HMGB1: variants seen among roughly 807,000 people sequenced by gnomAD.
The protein encoded by HMGB1 is high mobility group box 1.
For missense variants in HMGB1, 79 were observed against 253.5 expected (o/e 0.31, Z 4.67); for synonymous variants, 81 against 84.0 (o/e 0.96, Z 0.19).
At chr13:30,461,654 C>T (rs886690295) in intron 4 of HMGB1, 121 bp from the exon 5 acceptor site, 2 of 1,592,002 alleles carry the variant, frequency 1.3e-6, no homozygotes, top group African/African-American at 1.3e-5. Flanking sequence ...TATCACGTAT[C>T]TGTAGATCCA....
At chr13:30,569,170 G>A (rs537732604) in intron 1 of HMGB1, among the ~76,000 whole-genome samples, 2 of 152,216 alleles carry the variant, frequency 1.3e-5, no homozygotes, top group East Asian at 3.9e-4. Context: ...CTTCATCCTA[G>A]GACACAGCCA....
Position 30,463,280 on chromosome 13 carries a change from T to G in HMGB1, c.223A>C (p.Met75Leu). ...KADKARYERE[M>L]KTYIPPKGET... ...CCTTTGGGAGGGATATAGGTTTTCATTTCTCTTTCATAACGGGCCTTGTCC... is the reference window on the plus strand; with the variant it reads ...CCTTTGGGAGGGATATAGGTTTTCAGTTCTCTTTCATAACGGGCCTTGTCC... The change falls in exon 3 of 5, where the codon ATG becomes CTG. Residue 75 changes from methionine to leucine, a missense_variant. Met to Leu is a conservative substitution (Grantham distance 15). Transcript: ENST00000341423. 2 of 1,609,570 alleles carry G rather than the reference T, an allele frequency of 1.2e-6. No homozygotes were observed. The highest frequency in any genetic ancestry group is 1.7e-6 in the Non-Finnish European group (2 of 1,179,334).
chr13:30,525,849 G>A (rs1187115528), intron 1 of HMGB1, among the ~76,000 whole-genome samples: 1 of 90,078 alleles, frequency 1.1e-5, no homozygotes, highest in Non-Finnish European at 3.0e-5. Context: ...AATTCAAGAT[G>A]AGATTGTGGG....
In HMGB1 at chr13:30,535,750, C is replaced by T. The variant is rs773268785; in HGVS notation, c.-14-72056G>A. Among the ~76,000 whole-genome samples, 24 of 152,258 alleles carry T rather than the reference C, an allele frequency of 1.6e-4. 1 individual carries two copies. Among genetic ancestry groups the T allele is most frequent in the Middle Eastern group, 3.4e-3 (1 of 294 alleles). On this transcript the variant is annotated intron_variant, in intron 1 of 4. Transcript: ENST00000405805. Reference sequence around the variant, plus strand: ...ACTAAAAATACAAAAATTAGCCAGGCGTGGTGCCACATGCCTGTTATCCCA... The same window carrying T: ...ACTAAAAATACAAAAATTAGCCAGGTGTGGTGCCACATGCCTGTTATCCCA...
chr13:30,580,221 A>G (rs75673053), intron 1 of HMGB1, among the ~76,000 whole-genome samples: 1,793 of 152,352 alleles, frequency 0.012, 43 homozygotes, highest in African/African-American at 0.041. Flanking sequence ...CATCAGAAAC[A>G]AGAACTTAGT....
chr13:30,567,447 T>A (rs1870234374), intron 1 of HMGB1, among the ~76,000 whole-genome samples: 1 of 151,752 alleles, frequency 6.6e-6, no homozygotes, highest in Non-Finnish European at 1.5e-5. Flanking sequence ...GGGTACTGGT[T>A]CAAGCAATTC....
rs189675052 is a variant in HMGB1 at position 30,484,699 on chromosome 13, G to A, written c.-14-21005C>T. Among the ~76,000 whole-genome samples the A allele has an allele frequency of 1.5e-3, 226 of 151,840 alleles. 1 individual carries two copies. Among genetic ancestry groups the A allele is most frequent in the African/African-American group, 5.3e-3 (219 of 41,374 alleles). On this transcript the variant is annotated intron_variant, in intron 1 of 4. Transcript: ENST00000405805. ...AGCCTAGGAAACATTGTGAGACCCT[G>A]TCTCAAAAAAAGAAAGAGAGAAAGA...
intron 1 of HMGB1, among the ~76,000 whole-genome samples, chr13:30,490,385 C>T (rs1057260050): frequency 1.3e-5 from 2 of 151,816 alleles, no homozygotes; most frequent in African/African-American, 2.4e-5. Flanking sequence ...TTTGGGAGGC[C>T]GAGGTGGGCA....
intron 1 of HMGB1, among the ~76,000 whole-genome samples, chr13:30,532,614 T>A (rs539359674): frequency 2.6e-5 from 4 of 152,220 alleles, no homozygotes; most frequent in African/African-American, 9.6e-5. Context: ...ATTCAAGTGA[T>A]TCTCCTGCCT....
intron 1 of HMGB1, among the ~76,000 whole-genome samples, chr13:30,557,432 A>C (rs1233761566): frequency 6.6e-6 from 1 of 152,188 alleles, no homozygotes; most frequent in Non-Finnish European, 1.5e-5. Context: ...ATGTCTGTCT[A>C]CCTGGTCCCC....
chr13:30,525,784 GC>G (rs2137479854), intron 1 of HMGB1, among the ~76,000 whole-genome samples: 1 of 150,544 alleles, frequency 6.6e-6, no homozygotes, highest in African/African-American at 2.4e-5. Flanking sequence ...TGGGGAAATG[GC>G]CCCTGTGATT....
At chr13:30,582,923 T>A (rs1162637870) in intron 1 of HMGB1, among the ~76,000 whole-genome samples, 2 of 152,218 alleles carry the variant, frequency 1.3e-5, no homozygotes, top group Non-Finnish European at 2.9e-5. Flanking sequence ...CTATCTCTGC[T>A]GCTACAACTT....
intron 1 of HMGB1, among the ~76,000 whole-genome samples, chr13:30,535,614 G>A (rs936738612): frequency 5.3e-5 from 8 of 152,160 alleles, no homozygotes; most frequent in African/African-American, 1.9e-4. Context: ...AACCTGCAGG[G>A]CACAGGGACT....
At chr13:30,492,110 G>A (rs1055794399) in intron 1 of HMGB1, among the ~76,000 whole-genome samples, 2 of 151,986 alleles carry the variant, frequency 1.3e-5, no homozygotes, top group Admixed American at 1.3e-4. Context: ...GGAGGTTGCA[G>A]TGAGCCAAGA....
At chr13:30,544,399 G>A (rs1203968595) in intron 1 of HMGB1, among the ~76,000 whole-genome samples, 2 of 152,214 alleles carry the variant, frequency 1.3e-5, no homozygotes, top group Admixed American at 6.5e-5. Flanking sequence ...GAAAGAACAA[G>A]GCAAGATTGG....
At chr13:30,598,125 A>G (rs1871698777) in intron 1 of HMGB1, among the ~76,000 whole-genome samples, 1 of 152,152 alleles carries the variant, frequency 6.6e-6, no homozygotes, top group African/African-American at 2.4e-5. Context: ...TCAATGACAT[A>G]CTCTCAGAAG....
intron 1 of HMGB1, among the ~76,000 whole-genome samples, chr13:30,537,911 TTCTTC>T (rs1344656021): frequency 6.6e-6 from 1 of 152,024 alleles, no homozygotes; most frequent in African/African-American, 2.4e-5. Context: ...GATTTCTCCC[TTCTTC>T]TCTTTTTTAA....
chr13:30,553,950 T>G (rs2137516128), intron 1 of HMGB1: 1 of 1,472,572 alleles, frequency 6.8e-7, no homozygotes, highest in East Asian at 2.3e-5. Flanking sequence ...TCCTAACATG[T>G]GCTGCCATTT....
At chr13:30,603,319 C>T (rs1160838344) in intron 1 of HMGB1, among the ~76,000 whole-genome samples, 6 of 152,134 alleles carry the variant, frequency 3.9e-5, no homozygotes, top group African/African-American at 7.2e-5. Flanking sequence ...AACTACCTGA[C>T]GGCAGAATCT....
Sources: gnomAD v4.1 joint callset for allele counts (sites outside exome capture counted in the v4.1 genomes callset) on GRCh38, gnomAD v4.1.1 for gene constraint, MANE v1.5 for transcripts, NCBI Gene and HGNC (gene_info 2026-07-23, HGNC 2026-07-21) for gene names.